Variants in HSD17B7 observed in about 807,000 individuals in gnomAD.
HSD17B7 encodes the protein 3-keto-steroid reductase/17-beta-hydroxysteroid dehydrogenase 7.
HSD17B7 carries 17 observed loss-of-function variants against 34.1 expected under a neutral mutation model. That is an observed-to-expected ratio of 0.50 (90% confidence interval 0.34 to 0.75). The LOEUF is 0.75. Among genes scored for constraint, HSD17B7 ranks in the 30% least tolerant of loss-of-function variants. The probability of loss-of-function intolerance (pLI) is 0.01; values close to 1 mark genes in which losing one functional copy is unlikely to be tolerated. For synonymous variants in HSD17B7, 122 were observed against 154.6 expected, an observed-to-expected ratio of 0.79 and a Z score of 1.56; for missense variants, 296 against 406.6, an observed-to-expected ratio of 0.73 and a Z score of 2.34.
At chr1:162,801,274 A>C (rs1571004005) in intron 5 of HSD17B7, among the ~76,000 whole-genome samples, 1 of 152,178 alleles carries the variant, frequency 6.6e-6, no homozygotes, top group East Asian at 1.9e-4. Context: ...AGCCTGAATC[A>C]TGCCTCTTAT....
chr1:162,795,205 G>T (rs139512314), intron 2 of HSD17B7, among the ~76,000 whole-genome samples: 7,387 of 152,260 alleles, frequency 0.049, 212 homozygotes, highest in Middle Eastern at 0.065. Context: ...AAATAAACTA[G>T]AGCTAAAGAG....
At chr1:162,796,774 GGGTT>G in intron 3 of HSD17B7, 97 bp downstream of exon 3, 2 of 787,702 alleles carry the variant, frequency 2.5e-6, no homozygotes, top group Non-Finnish European at 4.5e-6. Context: ...GAAAGGTAAG[GGGTT>G]GTTGAAAAGG....
At chr1:162,800,556 G>A (rs1270556864) in intron 5 of HSD17B7, among the ~76,000 whole-genome samples, 1 of 152,208 alleles carries the variant, frequency 6.6e-6, no homozygotes, top group Non-Finnish European at 1.5e-5. Context: ...ATGTTTTTCA[G>A]GGGATGGTGA....
intron 8 of HSD17B7, among the ~76,000 whole-genome samples, chr1:162,811,617 A>G (rs1649174932): frequency 6.6e-6 from 1 of 152,244 alleles, no homozygotes; most frequent in Non-Finnish European, 1.5e-5. Context: ...ATGTAAAAGC[A>G]TTTAGGAGAG....
intron 8 of HSD17B7, among the ~76,000 whole-genome samples, chr1:162,809,939 C>T (rs1317167438): frequency 6.6e-6 from 1 of 151,996 alleles, no homozygotes; most frequent in Non-Finnish European, 1.5e-5. Flanking sequence ...TTTTTTGTGT[C>T]TCTATCTCCT....
chr1:162,797,720 G>A, intron 3 of HSD17B7, 82 bp from the exon 4 acceptor site: 1 of 1,546,030 alleles, frequency 6.5e-7, no homozygotes, highest in South Asian at 1.2e-5. Flanking sequence ...TTATGGGTCG[G>A]GGGGATGGGT....
intron 2 of HSD17B7, among the ~76,000 whole-genome samples, chr1:162,794,928 G>C (rs1335059027): frequency 6.6e-6 from 1 of 152,234 alleles, no homozygotes; most frequent in Non-Finnish European, 1.5e-5. Context: ...ATTCAAGGCA[G>C]TGAGGCTGTG....
At chr1:162,809,556 T>G (rs1006126829) in intron 8 of HSD17B7, among the ~76,000 whole-genome samples, 4 of 147,036 alleles carry the variant, frequency 2.7e-5, no homozygotes, top group Non-Finnish European at 5.9e-5. Context: ...ACCATCTCCT[T>G]GTACCTCTGG....
At chr1:162,798,239 A>G (rs547541675) in intron 4 of HSD17B7, 3 of 274,320 alleles carry the variant, frequency 1.1e-5, no homozygotes, top group African/African-American at 4.4e-5. Flanking sequence ...GTCAAAATAG[A>G]TGAATCAATT....
intron 5 of HSD17B7, chr1:162,802,933 C>A (rs1306380805): frequency 6.6e-6 from 1 of 152,588 alleles, no homozygotes; most frequent in East Asian, 1.9e-4. Context: ...GCCGGGAGCA[C>A]CCCCCTCAAG....
chr1:162,807,794 A>G (rs1380103283), intron 8 of HSD17B7, among the ~76,000 whole-genome samples: 1 of 152,042 alleles, frequency 6.6e-6, no homozygotes, highest in African/African-American at 2.4e-5. Flanking sequence ...GTCTGTTCAT[A>G]TCCTTTGCCC....
chr1:162,796,122 T>G (rs992853227), intron 2 of HSD17B7, among the ~76,000 whole-genome samples: 1 of 152,148 alleles, frequency 6.6e-6, no homozygotes, highest in Admixed American at 6.5e-5. Context: ...CATTAATAGA[T>G]CAGGTCAGGT....
intron 7 of HSD17B7, 130 bp from the exon 8 acceptor site, chr1:162,805,264 C>T: frequency 7.5e-7 from 1 of 1,338,910 alleles, no homozygotes; most frequent in Non-Finnish European, 9.9e-7. Context: ...CCAAACCATT[C>T]ACTGATGATA....
intron 8 of HSD17B7, among the ~76,000 whole-genome samples, chr1:162,810,636 G>C (rs1456848822): frequency 7.5e-6 from 1 of 132,860 alleles, no homozygotes; most frequent in Non-Finnish European, 1.6e-5. Context: ...GGGTGCTCCT[G>C]TACTGGGTGC....
At chr1:162,804,596 A>T (rs923164855) in intron 7 of HSD17B7, among the ~76,000 whole-genome samples, 7 of 152,118 alleles carry the variant, frequency 4.6e-5, no homozygotes, top group Non-Finnish European at 1.0e-4. Flanking sequence ...GCTAGAGGAG[A>T]GACAGAGCAA....
At chr1:162,803,589 C>T in intron 6 of HSD17B7, 54 bp downstream of exon 6, 2 of 1,578,380 alleles carry the variant, frequency 1.3e-6, no homozygotes, top group South Asian at 1.1e-5. Context: ...TTTTTGGGAC[C>T]TAGAAGATAT....
intron 1 of HSD17B7, 82 bp downstream of exon 1, chr1:162,790,917 A>T (rs1244590199): frequency 3.0e-6 from 3 of 997,770 alleles, no homozygotes; most frequent in East Asian, 2.6e-5. Context: ...CCACGAACGG[A>T]CCCCGGAAGC....
At chr1:162,807,474 T>C (rs1649024827) in intron 8 of HSD17B7, among the ~76,000 whole-genome samples, 1 of 152,256 alleles carries the variant, frequency 6.6e-6, no homozygotes, top group Admixed American at 6.5e-5. Context: ...TTTATAATCC[T>C]TTGGGTATAT....
At chr1:162,793,084 A>G (rs915125573) in intron 2 of HSD17B7, 1 of 368,280 alleles carries the variant, frequency 2.7e-6, no homozygotes, top group Middle Eastern at 8.5e-4. Flanking sequence ...CCCAGGCTGG[A>G]GTGCAATGGC....
Sources: allele counts gnomAD v4.1 joint callset (sites outside exome capture counted in the v4.1 genomes callset), GRCh38; gene constraint gnomAD v4.1.1; transcripts MANE v1.5; gene names NCBI Gene and HGNC (gene_info 2026-07-23, HGNC 2026-07-21).